The following UTRN variants were observed in gnomAD, a reference collection of about 807,000 sequenced individuals.
UTRN encodes the protein utrophin.
In UTRN, 283 loss-of-function variants were observed where a neutral mutation model predicts 463.9. The observed-to-expected ratio is 0.61, with a 90% CI of 0.55 to 0.67. The LOEUF is 0.67. Ranked by LOEUF, UTRN falls within the 30% of genes least tolerant of loss-of-function variation. The pLI, the probability that UTRN is intolerant of heterozygous loss-of-function variation, is 0.00. For synonymous variants in UTRN, 1,442 were observed against 1,431.5 expected, an observed-to-expected ratio of 1.01 and a Z score of -0.17; for missense variants, 3,922 against 4,084.3, an observed-to-expected ratio of 0.96 and a Z score of 1.08.
chr6:144,705,020 C>A (rs1319624926), intron 53 of UTRN, among the ~76,000 whole-genome samples: 1 of 152,088 alleles, frequency 6.6e-6, no homozygotes, highest in East Asian at 1.9e-4. Context: ...TAGGTTGTGA[C>A]ATTTGCTGTT....
chr6:144,435,993 C>T lies in UTRN; in HGVS notation c.914C>T (p.Thr305Ile). 1.2e-6 allele frequency: 2 copies of T among 1,614,190 alleles called. No individual in the cohort carries two copies. Among genetic ancestry groups the T allele is most frequent in the Non-Finnish European group, 1.7e-6 (2 of 1,180,040 alleles). The change falls in exon 10 of 75, where the codon ACT (threonine) becomes ATT (isoleucine). Residue 305 changes from threonine (T) to isoleucine (I), a missense_variant. By Grantham distance (89) the Thr-to-Ile change is moderately conservative (BLOSUM62 -1). Transcript: ENST00000367545. ...SPRAETPSTV[T>I]EVDMDLDSYQ... ...CGAGCTGAAACTCCCAGCACTGTCACTGAGGTTGACATGGATCTGGACAGC... is the reference window on the plus strand; with the variant it reads ...CGAGCTGAAACTCCCAGCACTGTCATTGAGGTTGACATGGATCTGGACAGC...
intron 59 of UTRN, 118 bp downstream of exon 59, chr6:144,772,086 T>A (rs1794127512): frequency 1.6e-6 from 1 of 621,744 alleles, no homozygotes; most frequent in Admixed American, 4.0e-5. Flanking sequence ...CAGGCTGGAG[T>A]GCAGTGGCAT....
intron 17 of UTRN, among the ~76,000 whole-genome samples, chr6:144,449,064 T>C (rs1304249139): frequency 6.6e-6 from 1 of 152,174 alleles, no homozygotes; most frequent in African/African-American, 2.4e-5. Flanking sequence ...TGGAAGGATA[T>C]GATTGTCCAT....
chr6:144,377,278 C>T (rs1780546067), intron 2 of UTRN, among the ~76,000 whole-genome samples: 1 of 152,140 alleles, frequency 6.6e-6, no homozygotes, highest in Non-Finnish European at 1.5e-5. Flanking sequence ...CTCAAGTGAT[C>T]TACCTGCCTC....
intron 2 of UTRN, among the ~76,000 whole-genome samples, chr6:144,357,117 G>A (rs1778631265): frequency 6.6e-6 from 1 of 152,032 alleles, no homozygotes; most frequent in Admixed American, 6.6e-5. Context: ...CTGCAGCCTC[G>A]AGAAAGGTTT....
chr6:144,520,919 A>C (rs1796030004), intron 39 of UTRN, among the ~76,000 whole-genome samples: 2 of 152,174 alleles, frequency 1.3e-5, no homozygotes, highest in African/African-American at 4.8e-5. Flanking sequence ...AATTGTGGCC[A>C]TCTAGGAGTA....
Position 144,523,110 on chromosome 6 carries a change from C to T in UTRN, c.5828C>T (p.Ala1943Val). The T allele has an allele frequency of 6.2e-7, 1 of 1,613,244 alleles. No homozygotes were observed. Among genetic ancestry groups the T allele is most frequent in the Non-Finnish European group, 8.5e-7 (1 of 1,179,592 alleles). ...DVILEASGPE[A>V]IQIRDTLTQL... is the part of the protein sequence containing the mutation. ...ATCCTTGAAGCCTCTGGACCTGAAG[C>T]CATTCAGATCAGAGATACACTTACT... The change falls in exon 41 of 75, where the codon GCC becomes GTC. Residue 1943 changes from alanine (A) to valine (V), a missense_variant. Ala to Val is a moderately conservative substitution (Grantham distance 64). Around this residue, in one of 3 missense-constraint regions of UTRN, gnomAD observed 2,349 missense variants for 2,303.8 expected, o/e 1.02. Coordinates refer to ENST00000367545, the MANE Select transcript of UTRN (RefSeq NM_007124.3).
chr6:144,570,205 C>T (rs899649707), intron 50 of UTRN, among the ~76,000 whole-genome samples: 1 of 151,942 alleles, frequency 6.6e-6, no homozygotes, highest in Admixed American at 6.6e-5. Flanking sequence ...TAGAAGTTAA[C>T]TAGGTGGGAT....
chr6:144,840,815 C>T lies in UTRN; in HGVS notation c.10253C>T (p.Thr3418Met), dbSNP rs746032973. The T allele has an allele frequency of 2.2e-5, 36 of 1,613,916 alleles. No homozygotes were observed. The Admixed American group carries it at 3.0e-4, about 13-fold the overall frequency. Residue 3418 changes from threonine to methionine, a missense_variant, in exon 73 of 75, where the codon ACG becomes ATG. Around this residue, in one of 3 missense-constraint regions of UTRN, gnomAD observed 1,309 missense variants for 1,452.6 expected, o/e 0.90. Coordinates refer to ENST00000367545, the MANE Select transcript of UTRN (RefSeq NM_007124.3). ...LTEVMEQIHS[T>M]FPSCCPNVPS... is the part of the protein sequence containing the mutation. Reference sequence around the variant, plus strand: ...GAGGTCATGGAGCAGATTCACAGCACGTTTCCATCTTGCTGCCGTGAGTAT... The same window carrying T: ...GAGGTCATGGAGCAGATTCACAGCATGTTTCCATCTTGCTGCCGTGAGTAT...
chr6:144,318,689 G>A (rs1164659314), intron 2 of UTRN, among the ~76,000 whole-genome samples: 2 of 152,044 alleles, frequency 1.3e-5, no homozygotes, highest in Admixed American at 1.3e-4. Context: ...GTCTTGAACT[G>A]CTGACCTCAA....
At chr6:144,489,724 C>T (rs1562477853) in intron 30 of UTRN, among the ~76,000 whole-genome samples, 1 of 151,976 alleles carries the variant, frequency 6.6e-6, no homozygotes, top group Non-Finnish European at 1.5e-5. Flanking sequence ...CAGGTTCAAG[C>T]AATTCTCCTG....
At chr6:144,631,199 GAGAA>G (rs1031080202) in intron 51 of UTRN, among the ~76,000 whole-genome samples, 8 of 151,024 alleles carry the variant, frequency 5.3e-5, no homozygotes, top group Non-Finnish European at 8.8e-5. Context: ...GAGAGAGAGA[GAGAA>G]AGAGAGAGTG....
chr6:144,524,903 G>T (rs965693673), intron 41 of UTRN, among the ~76,000 whole-genome samples: 1 of 152,132 alleles, frequency 6.6e-6, no homozygotes, highest in Non-Finnish European at 1.5e-5. Flanking sequence ...TAATCATAAA[G>T]GGATGCTAGA....
intron 62 of UTRN, among the ~76,000 whole-genome samples, chr6:144,791,109 A>G (rs6936742): frequency 0.46 from 69,527 of 151,934 alleles, 18,310 homozygotes; most frequent in African/African-American, 0.72. Flanking sequence ...CTGGGGTTTT[A>G]TTTTGCTTTT....
chr6:144,494,003 A>T lies in UTRN; in HGVS notation c.4593+547A>T, dbSNP rs77443805. Among the ~76,000 whole-genome samples, 808 of 152,270 alleles carry T rather than the reference A, an allele frequency of 5.3e-3. 3 individuals carry two copies. The highest frequency in any genetic ancestry group is 0.014 in the Middle Eastern group (4 of 294). ...AGGAACAGAGTGAGACACTGTTTTT[A>T]AAAAAAATTTATTTTTAATATTTAA... On this transcript the variant is annotated intron_variant, in intron 33 of 74. Transcript: ENST00000367545.
At chr6:144,624,991 G>A (rs773121494) in intron 51 of UTRN, among the ~76,000 whole-genome samples, 4 of 152,166 alleles carry the variant, frequency 2.6e-5, no homozygotes, top group Non-Finnish European at 5.9e-5. Flanking sequence ...CATTATAACA[G>A]AGGAAAATAG....
intron 65 of UTRN, among the ~76,000 whole-genome samples, chr6:144,812,198 G>A (rs1222090059): frequency 6.9e-6 from 1 of 144,286 alleles, no homozygotes; most frequent in African/African-American, 2.7e-5. Flanking sequence ...AAATTGTTTG[G>A]TAATTAGAAG....
chr6:144,448,016 A>G (rs1787864785), intron 16 of UTRN, among the ~76,000 whole-genome samples: 1 of 152,208 alleles, frequency 6.6e-6, no homozygotes. Flanking sequence ...AATAATCTTA[A>G]CATCTTAAAT....
At chr6:144,806,861 A>G (rs1240580816) in intron 65 of UTRN, among the ~76,000 whole-genome samples, 1 of 152,002 alleles carries the variant, frequency 6.6e-6, no homozygotes, top group African/African-American at 2.4e-5. Flanking sequence ...CAGGAAAAAT[A>G]TAAATGCAAG....
Sources: gnomAD v4.1 joint callset for allele counts (sites outside exome capture counted in the v4.1 genomes callset) on GRCh38, gnomAD v4.1.1 for gene constraint, gnomAD v4.1.1 regional missense constraint, MANE v1.5 for transcripts, NCBI Gene and HGNC (gene_info 2026-07-23, HGNC 2026-07-21) for gene names.